The following NUMB variants were observed in gnomAD, a reference collection of about 807,000 sequenced individuals.
The protein encoded by NUMB is NUMB endocytic adaptor protein.
Under a neutral mutation model 59.7 loss-of-function variants are expected in NUMB, and 29 were observed. The observed-to-expected ratio is 0.49, with a 90% CI of 0.36 to 0.66. The LOEUF is 0.66. NUMB is among the 30% of genes least tolerant of loss of function. NUMB has a pLI of 0.00. For synonymous variants in NUMB, 288 were observed against 288.2 expected (o/e 1.00, Z 0.01); for missense variants, 723 against 822.0 (o/e 0.88, Z 1.47).
At chr14:73,445,354 C>CAAAAAAAAAAAAAAAAAAA (rs752154048) in intron 1 of NUMB, among the ~76,000 whole-genome samples, 7 of 57,578 alleles carry the variant, frequency 1.2e-4, no homozygotes, top group Non-Finnish European at 2.0e-4. Flanking sequence ...GACCCTGTCT[C>CAAAAAAAAAAAAAAAAAAA]AAAAAAAAAA....
At position 73,297,226 on chromosome 14, in the gene NUMB, C is replaced by T. The variant is rs1394566951; in HGVS notation, c.294G>A (p.Val98=). The change falls in exon 7 of 13, where the codon GTG becomes GTA. Residue 98 remains valine, a synonymous_variant. Coordinates refer to ENST00000555238, the MANE Select transcript of NUMB (RefSeq NM_001005743.2). The stretch of plus-strand genomic sequence containing the variant: ...AGAATCTTACCTTAGTTTTTTCATC[C>T]ACAACTCTGAGTCCATCTGCTGAGA... ...LWVSADGLRV[V]DEKTKDLIVD... is the part of the protein sequence containing the mutation. 6 of 1,603,226 alleles carry T rather than the reference C, an allele frequency of 3.7e-6. No homozygotes were observed. The highest frequency in any genetic ancestry group is 5.1e-6 in the Non-Finnish European group (6 of 1,171,758).
intron 2 of NUMB, among the ~76,000 whole-genome samples, chr14:73,389,279 AAAAAAAAAAAAAAAC>A (rs1228519269): frequency 1.1e-5 from 1 of 90,522 alleles, no homozygotes; most frequent in Admixed American, 1.1e-4. Flanking sequence ...TCTCAAAAAA[AAAAAAAAAAAAAAAC>A]AAAAACAAAA....
intron 3 of NUMB, among the ~76,000 whole-genome samples, chr14:73,357,540 C>T (rs1011380653): frequency 4.0e-5 from 6 of 151,442 alleles, no homozygotes; most frequent in East Asian, 2.0e-4. Flanking sequence ...AGGTGAATCA[C>T]GAGGTCAGGA....
chr14:73,341,315 G>C (rs1164671866), intron 4 of NUMB, among the ~76,000 whole-genome samples: 1 of 152,056 alleles, frequency 6.6e-6, no homozygotes, highest in Admixed American at 6.6e-5. Context: ...ATGAATATAG[G>C]ATACCAACAG....
chr14:73,390,806 C>T (rs1385275905), intron 2 of NUMB, among the ~76,000 whole-genome samples: 2 of 151,546 alleles, frequency 1.3e-5, no homozygotes, highest in South Asian at 2.1e-4. Flanking sequence ...CATGCCACCA[C>T]GCCCGGCTAA....
At chr14:73,409,615 T>G (rs1896820562) in intron 2 of NUMB, 1 of 152,256 alleles carries the variant, frequency 6.6e-6, no homozygotes, top group African/African-American at 2.4e-5. Flanking sequence ...AAATGACTGT[T>G]GTTTTAAGCC....
At chr14:73,326,899 T>C (rs1013081815) in intron 4 of NUMB, among the ~76,000 whole-genome samples, 1 of 152,062 alleles carries the variant, frequency 6.6e-6, no homozygotes, top group Non-Finnish European at 1.5e-5. Flanking sequence ...GGTTCAGGAG[T>C]GCTGAAAAAC....
rs71112737 is a variant in NUMB at position 73,353,072 on chromosome 14, G to GTTTTTTTTTTTTTTTTTTTTTTTT, written c.126+2530_126+2553dup. Among the ~76,000 whole-genome samples, 75 of 58,516 alleles carry GTTTTTTTTTTTTTTTTTTTTTTTT rather than the reference G, an allele frequency of 1.3e-3. 25 individuals carry two copies. Among genetic ancestry groups the GTTTTTTTTTTTTTTTTTTTTTTTT allele is most frequent in the East Asian group, 3.1e-3 (5 of 1,596 alleles). 38.4% of individuals were successfully genotyped at this position (58,516 alleles called of 152,430 possible). ...CTTAATGGATGCCACAGTTTTTCTT[G>GTTTTTTTTTTTTTTTTTTTTTTTT]TTTTTTTTTTTTTTTTTTTTTTTTT... On this transcript the variant is annotated intron_variant, in intron 4 of 12. Coordinates refer to ENST00000555238, the MANE Select transcript of NUMB (RefSeq NM_001005743.2).
At chr14:73,431,319 G>C (rs1178337813) in intron 1 of NUMB, among the ~76,000 whole-genome samples, 1 of 145,206 alleles carries the variant, frequency 6.9e-6, no homozygotes, top group African/African-American at 2.6e-5. Flanking sequence ...GCACTGGCGC[G>C]ATCTCGGCTC....
intron 10 of NUMB, among the ~76,000 whole-genome samples, chr14:73,283,663 T>G (rs890808238): frequency 6.6e-6 from 1 of 152,336 alleles, no homozygotes; most frequent in African/African-American, 2.4e-5. Context: ...AGAAGGACAA[T>G]GAGCACATAT....
At chr14:73,451,691 G>A (rs982501572) in intron 1 of NUMB, among the ~76,000 whole-genome samples, 1 of 152,156 alleles carries the variant, frequency 6.6e-6, no homozygotes, top group African/African-American at 2.4e-5. Context: ...CAAGTGACTA[G>A]ACGAAAGTAT....
At chr14:73,342,004 A>G (rs1326379031) in intron 4 of NUMB, among the ~76,000 whole-genome samples, 3 of 152,208 alleles carry the variant, frequency 2.0e-5, no homozygotes, top group Non-Finnish European at 4.4e-5. Context: ...TTACTAAACG[A>G]AGTTGAACTT....
chr14:73,417,321 G>A (rs912930524), intron 1 of NUMB, among the ~76,000 whole-genome samples: 3 of 152,080 alleles, frequency 2.0e-5, no homozygotes, highest in Admixed American at 2.0e-4. Context: ...AGCATTAATT[G>A]TAACACACTC....
At chr14:73,317,833 T>C (rs1392927765) in intron 5 of NUMB, among the ~76,000 whole-genome samples, 1 of 152,206 alleles carries the variant, frequency 6.6e-6, no homozygotes, top group African/African-American at 2.4e-5. Flanking sequence ...GGTTGAAATA[T>C]ACTTTAAGCC....
At chr14:73,364,131 A>G (rs1894223402) in intron 3 of NUMB, among the ~76,000 whole-genome samples, 1 of 152,148 alleles carries the variant, frequency 6.6e-6, no homozygotes, top group South Asian at 2.1e-4. Flanking sequence ...AAAATTCAAT[A>G]CTCGTTCTTC....
chr14:73,368,243 A>G (rs1308230757), intron 2 of NUMB, among the ~76,000 whole-genome samples: 1 of 152,270 alleles, frequency 6.6e-6, no homozygotes, highest in East Asian at 1.9e-4. Flanking sequence ...AAATTACACA[A>G]GCAAAATTAA....
intron 6 of NUMB, among the ~76,000 whole-genome samples, chr14:73,305,435 C>T (rs1288161410): frequency 1.3e-5 from 2 of 151,838 alleles, no homozygotes; most frequent in African/African-American, 4.8e-5. Flanking sequence ...TATATCCTAC[C>T]TATTTTAAGG....
At chr14:73,396,431 T>G (rs1222039209) in intron 2 of NUMB, among the ~76,000 whole-genome samples, 1 of 151,848 alleles carries the variant, frequency 6.6e-6, no homozygotes, top group Non-Finnish European at 1.5e-5. Flanking sequence ...CACTGGAACC[T>G]CATACTCCTG....
intron 1 of NUMB, among the ~76,000 whole-genome samples, chr14:73,445,060 TTATC>T (rs1012787036): frequency 2.6e-5 from 4 of 151,948 alleles, no homozygotes; most frequent in African/African-American, 9.7e-5. Context: ...TAATGAAAAT[TTATC>T]TAATAGGTTC....
Sources: gnomAD v4.1 joint callset for allele counts (sites outside exome capture counted in the v4.1 genomes callset) on GRCh38, gnomAD v4.1.1 for gene constraint, MANE v1.5 for transcripts, NCBI Gene and HGNC (gene_info 2026-07-23, HGNC 2026-07-21) for gene names.